The following CELSR1 variants were observed in gnomAD, a reference collection of about 807,000 sequenced individuals.
CELSR1 encodes the protein cadherin EGF LAG seven-pass G-type receptor 1.
In CELSR1, 110 loss-of-function variants were observed where a neutral mutation model predicts 249.1. The observed-to-expected ratio is 0.44, with a 90% CI of 0.38 to 0.52. The LOEUF is 0.52. Among genes scored for constraint, CELSR1 ranks in the 20% least tolerant of loss-of-function variants. The pLI is 0.00. For missense variants in CELSR1, 4,109 were observed against 4,296.4 expected (o/e 0.96, Z 1.22); for synonymous variants, 2,113 against 1,900.0 (o/e 1.11, Z -2.92).
At chr22:46,431,347 G>C (rs1167095197) in intron 5 of CELSR1, among the ~76,000 whole-genome samples, 1 of 152,254 alleles carries the variant, frequency 6.6e-6, no homozygotes, top group Non-Finnish European at 1.5e-5. Flanking sequence ...CAGACACACT[G>C]TTGCTTCTGC....
At chr22:46,416,710 T>A (rs1247823856) in intron 5 of CELSR1, among the ~76,000 whole-genome samples, 2 of 152,158 alleles carry the variant, frequency 1.3e-5, no homozygotes, top group Non-Finnish European at 2.9e-5. Context: ...AGATCCGGAA[T>A]CCTGCTCCAG....
At position 46,513,749 on chromosome 22, in the gene CELSR1, G is replaced by A. The variant is rs114909984; in HGVS notation, c.3544+19878C>T. On this transcript the variant is annotated intron_variant, in intron 1 of 34. Transcript: ENST00000674500. ...TCCTAATAAATACTGGTTGGAATAT[G>A]GCCCAGAAGCTCAAAGCCATAGATA... Among the ~76,000 whole-genome samples the A allele has an allele frequency of 9.5e-3, 1,449 of 152,222 alleles. 26 individuals carry two copies. The highest frequency in any genetic ancestry group is 0.034 in the African/African-American group (1,393 of 41,530).
Position 46,381,314 on chromosome 22 carries a change from GA to G in CELSR1, c.7089-360del, listed in dbSNP as rs539106036. On this transcript the variant is annotated intron_variant, in intron 21 of 34. Transcript: ENST00000674500. The surrounding 1 kb of genome is among the most constrained non-coding windows in gnomAD (Gnocchi z 6.0). ...CAAAATAATGGCAGCTCATGGGGATGAATCACCCAGTCACTGAGAACCACGT... is the reference window on the plus strand; with the variant it reads ...CAAAATAATGGCAGCTCATGGGGATGATCACCCAGTCACTGAGAACCACGT... 1.2e-4 allele frequency among the ~76,000 whole-genome samples: 19 copies of G among 152,370 alleles called. 1 individual carries two copies. In the South Asian group the frequency reaches 3.9e-3, roughly 32 times the overall value.
At chr22:46,499,830 C>G (rs1370273542) in intron 1 of CELSR1, among the ~76,000 whole-genome samples, 1 of 152,140 alleles carries the variant, frequency 6.6e-6, no homozygotes, top group African/African-American at 2.4e-5. Flanking sequence ...TGGCCCTCTT[C>G]TGGATCCTTC....
At chr22:46,462,230 G>C (rs981301247) in intron 2 of CELSR1, among the ~76,000 whole-genome samples, 1 of 152,236 alleles carries the variant, frequency 6.6e-6, no homozygotes, top group Non-Finnish European at 1.5e-5. Flanking sequence ...GACAGCCACA[G>C]ACTAGCAGGC....
chr22:46,512,388 T>C lies in CELSR1; in HGVS notation c.3544+21239A>G, dbSNP rs2147768887. On this transcript the variant is annotated intron_variant, in intron 1 of 34. Coordinates refer to ENST00000674500, the MANE Select transcript of CELSR1 (RefSeq NM_001378328.1). This position sits in a 1 kb window ranked among gnomAD's most constrained non-coding sequence, Gnocchi z 5.2. ...GAGATCGAGACCATCCTGGCCAATA[T>C]GGTGAAACCCCATCTCTACTAAAAT... is the stretch of plus-strand genomic sequence containing the variant. Among the ~76,000 whole-genome samples the C allele has an allele frequency of 6.6e-6, 1 of 152,266 alleles. No homozygotes were observed. Among genetic ancestry groups the C allele is most frequent in the South Asian group, 2.1e-4 (1 of 4,826 alleles).
intron 19 of CELSR1, among the ~76,000 whole-genome samples, chr22:46,385,815 C>A (rs1419325227): frequency 6.6e-6 from 1 of 151,274 alleles, no homozygotes; most frequent in Non-Finnish European, 1.5e-5. Context: ...GTAGCTGGGA[C>A]TACAAACGCC....
Position 46,488,880 on chromosome 22 carries a change from C to T in CELSR1, c.3545-24535G>A, listed in dbSNP as rs551113754. Among the ~76,000 whole-genome samples, 2 of 152,164 alleles carry T rather than the reference C, an allele frequency of 1.3e-5. No individual in the cohort carries two copies. The highest frequency in any genetic ancestry group is 2.1e-4 in the South Asian group (1 of 4,826). On this transcript the variant is annotated intron_variant, in intron 1 of 34. Coordinates refer to ENST00000674500, the MANE Select transcript of CELSR1 (RefSeq NM_001378328.1). The surrounding 1 kb of genome is among the most constrained non-coding windows in gnomAD (Gnocchi z 4.7). ...TTCACCGTGTTAGCCAGGATGGTCTCGATCTCCTGACCTCATGATCCGCCT... is the reference window on the plus strand; with the variant it reads ...TTCACCGTGTTAGCCAGGATGGTCTTGATCTCCTGACCTCATGATCCGCCT...
intron 5 of CELSR1, among the ~76,000 whole-genome samples, chr22:46,420,930 G>T (rs1038372875): frequency 2.0e-5 from 3 of 152,108 alleles, no homozygotes; most frequent in African/African-American, 7.2e-5. Flanking sequence ...GGGGGCCGGG[G>T]ATGGTCACGG....
In CELSR1 at chr22:46,408,718, C is replaced by T. The variant is rs976020917; in HGVS notation, c.5226+278G>A. Among the ~76,000 whole-genome samples, 5 of 152,236 alleles carry T rather than the reference C, an allele frequency of 3.3e-5. No homozygotes were observed. The highest frequency in any genetic ancestry group is 1.2e-4 in the African/African-American group (5 of 41,468). On this transcript the variant is annotated intron_variant, in intron 9 of 34. Transcript: ENST00000674500. The surrounding 1 kb of genome is among the most constrained non-coding windows in gnomAD (Gnocchi z 4.6). ...CTCCCTCAGTTCTGCAATGCCCACGCTCCAGCCAAACCCTCAGGCTAGAGG... is the reference window on the plus strand; with the variant it reads ...CTCCCTCAGTTCTGCAATGCCCACGTTCCAGCCAAACCCTCAGGCTAGAGG...
chr22:46,474,034 G>A (rs1271535786), intron 1 of CELSR1, among the ~76,000 whole-genome samples: 1 of 152,188 alleles, frequency 6.6e-6, no homozygotes, highest in African/African-American at 2.4e-5. Flanking sequence ...GAGGAAGAGT[G>A]AGCCTCGGAC....
Position 46,468,162 on chromosome 22 carries a change from T to C in CELSR1, c.3545-3817A>G, listed in dbSNP as rs1343584221. ...CAGCACTTTGGGAGGCCGAGGTGGG[T>C]GGATCACGACGTCAGGAGTTCAAGA... On this transcript the variant is annotated intron_variant, in intron 1 of 34. Coordinates refer to ENST00000674500, the MANE Select transcript of CELSR1 (RefSeq NM_001378328.1). This position sits in a 1 kb window ranked among gnomAD's most constrained non-coding sequence, Gnocchi z 4.5. Among the ~76,000 whole-genome samples the C allele has an allele frequency of 6.6e-6, 1 of 151,316 alleles. No homozygotes were observed. Among genetic ancestry groups the C allele is most frequent in the Non-Finnish European group, 1.5e-5 (1 of 67,894 alleles).
intron 23 of CELSR1, 107 bp from the exon 24 acceptor site, chr22:46,377,368 G>C (rs2078930789): frequency 7.9e-7 from 1 of 1,268,596 alleles, no homozygotes; most frequent in African/African-American, 1.5e-5. Context: ...AACGATCAAG[G>C]CTGGCAGGAT....
chr22:46,482,654 G>A (rs2080277628), intron 1 of CELSR1, among the ~76,000 whole-genome samples: 1 of 152,086 alleles, frequency 6.6e-6, no homozygotes, highest in Admixed American at 6.5e-5. Context: ...GGCAAAGGTT[G>A]CAGTGAGCTG....
Position 46,395,916 on chromosome 22 carries a change from ACTAGGAT to A in CELSR1, c.5843+682_5843+688del, listed in dbSNP as rs2079142933. ...GCACGCTGCTGCCTGTCCTAACCAC[ACTAGGAT>A]CTCCGCACACATCAGAAATGACTTC... On this transcript the variant is annotated intron_variant, in intron 13 of 34. Transcript: ENST00000674500. This position sits in a 1 kb window ranked among gnomAD's most constrained non-coding sequence, Gnocchi z 5.5. 6.6e-6 allele frequency among the ~76,000 whole-genome samples: 1 copy of A among 152,140 alleles called. No individual in the cohort carries two copies. The highest frequency in any genetic ancestry group is 1.5e-5 in the Non-Finnish European group (1 of 68,022).
rs1397508445 is a variant in CELSR1 at position 46,463,748 on chromosome 22, C to T, written c.4142G>A (p.Arg1381His). ...GCACTCGCAGGTGTAGCCGCCCTCG[C>T]GGCTGCGGCAGCGGCCGTTGGCGCC... ...PCGANGRCRS[R>H]EGGYTCECFE... The change falls in exon 2 of 35, where the codon CGC becomes CAC. Residue 1381 changes from arginine to histidine, a missense_variant. Physicochemically the swap from Arg to His is conservative, Grantham distance 29. This residue lies in a region of CELSR1 where 453 missense variants were observed against 492.0 expected (regional missense o/e 0.92). Transcript: ENST00000674500. 1.6e-5 allele frequency: 25 copies of T among 1,543,372 alleles called. No individual in the cohort carries two copies. The highest frequency in any genetic ancestry group is 2.3e-5 in the East Asian group (1 of 44,124).
Position 46,390,445 on chromosome 22 carries a change from GCAGC to G in CELSR1, c.6288_6291del (p.Trp2096CysfsTer19), listed in dbSNP as rs1569127878. On this transcript the variant is annotated frameshift_variant, in exon 17 of 35. Transcript: ENST00000674500. LOFTEE classifies it high-confidence loss of function. The surrounding 1 kb of genome is among the most constrained non-coding windows in gnomAD (Gnocchi z 6.3). ...GTGGTACAGTTAAAGAGCTCTGGGG[GCAGC>G]CAGCCCTTCTCCCCGCTGCAGTGTC... 1 of 1,613,808 alleles carries G rather than the reference GCAGC, an allele frequency of 6.2e-7. No individual in the cohort carries two copies. The highest frequency in any genetic ancestry group is 8.5e-7 in the Non-Finnish European group (1 of 1,179,984).
rs2079081832 is a variant in CELSR1 at position 46,390,797 on chromosome 22, T to C, written c.6251-311A>G. Among the ~76,000 whole-genome samples the C allele has an allele frequency of 1.3e-5, 2 of 152,182 alleles. No individual in the cohort carries two copies. The highest frequency in any genetic ancestry group is 1.3e-4 in the Admixed American group (2 of 15,280). ...CACGATCCCATGCACCAGGAATCCA[T>C]TTCGGCTGGGCCTTTCCTTGCCTCA... On this transcript the variant is annotated intron_variant, in intron 16 of 34. Transcript: ENST00000674500. The surrounding 1 kb of genome is among the most constrained non-coding windows in gnomAD (Gnocchi z 6.3).
Position 46,437,609 on chromosome 22 carries a change from G to C in CELSR1, c.4407-1320C>G, listed in dbSNP as rs942396876. On this transcript the variant is annotated intron_variant, in intron 3 of 34. Coordinates refer to ENST00000674500, the MANE Select transcript of CELSR1 (RefSeq NM_001378328.1). The surrounding 1 kb of genome is among the most constrained non-coding windows in gnomAD (Gnocchi z 4.9). ...CTACTAAAAATACGAAAATTAGCCG[G>C]GCATGGTGGTGGGCACCTGTAATCC... Among the ~76,000 whole-genome samples the C allele has an allele frequency of 1.3e-5, 2 of 151,990 alleles. No individual in the cohort carries two copies. The highest frequency in any genetic ancestry group is 6.6e-5 in the Admixed American group (1 of 15,258).
Sources: gnomAD v4.1 joint callset for allele counts (sites outside exome capture counted in the v4.1 genomes callset) on GRCh38, gnomAD v4.1.1 for gene constraint, gnomAD v4.1.1 regional missense constraint, Gnocchi (gnomAD v3.1) non-coding constraint, MANE v1.5 for transcripts, NCBI Gene and HGNC (gene_info 2026-07-23, HGNC 2026-07-21) for gene names.